The following FANCD2 variants were observed in gnomAD, a reference collection of about 807,000 sequenced individuals.
The protein encoded by FANCD2 is FA complementation group D2, also known as Fanconi anemia group D2 protein.
In FANCD2, 131 loss-of-function variants were observed where a neutral mutation model predicts 192.3. The observed-to-expected ratio is 0.68, with a 90% CI of 0.59 to 0.79. FANCD2 has a LOEUF of 0.79. Ranked by LOEUF, FANCD2 falls within the 30% of genes least tolerant of loss-of-function variation. The probability of loss-of-function intolerance (pLI) is 0.00; values close to 1 mark genes in which losing one functional copy is unlikely to be tolerated. For synonymous variants in FANCD2, 524 were observed against 612.5 expected (o/e 0.86, Z 2.13); for missense variants, 1,508 against 1,701.6 (o/e 0.89, Z 2.00).
chr3:10,065,970 G>C lies in FANCD2; in HGVS notation c.2376G>C (p.Trp792Cys), dbSNP rs752013429. Residue 792 changes from tryptophan (W) to cysteine (C), a missense_variant, in exon 25 of 44, where the codon TGG becomes TGC. Physicochemically the swap from Trp to Cys is radical, Grantham distance 215 (BLOSUM62 -2). Coordinates refer to ENST00000675286, the MANE Select transcript of FANCD2 (RefSeq NM_001018115.3). ...MCSLIFLTLN[W>C]FREIVNAFCQ... ...CTCTCATATTTCTTACTCTCAACTG[G>C]TTCCGAGAGGTGAGCAGAGTTAATA... 6 of 1,592,452 alleles carry C rather than the reference G, an allele frequency of 3.8e-6. No homozygotes were observed. The East Asian group carries it at 1.1e-4, about 30-fold the overall frequency.
In FANCD2 at chr3:10,085,848, G is replaced by A. The variant is rs762060936; in HGVS notation, c.3261G>A (p.Leu1087=). The A allele has an allele frequency of 2.5e-6, 4 of 1,613,676 alleles. No individual in the cohort carries two copies. The South Asian group carries it at 3.3e-5, about 13-fold the overall frequency. Residue 1087 remains leucine, a synonymous_variant, in exon 33 of 44, where the codon CTG becomes CTA. Transcript: ENST00000675286. ...CTCAACCTGAAAATCAGAATTTACT[G>A]TATTCAGCCCTCCATGTCCTTAGTA... The part of the protein sequence containing the change: ...GFSQPENQNL[L]YSALHVLSSR...
At position 10,087,281 on chromosome 3, in the gene FANCD2, CTTTTTTT is replaced by C; in HGVS notation, c.3466+30_3466+36del. ...AAAAAATTGGTGATGGGCCTAGATC[CTTTTTTT>C]TTTTTTTTTTTTAATGAATAGGACT... On this transcript the variant is annotated intron_variant, in intron 34 of 43. Coordinates refer to ENST00000675286, the MANE Select transcript of FANCD2 (RefSeq NM_001018115.3). 3.8e-6 allele frequency: 5 copies of C among 1,310,478 alleles called. No homozygotes were observed. The highest frequency in any genetic ancestry group is 2.8e-5 in the East Asian group (1 of 36,126). 81.2% of individuals were successfully genotyped at this position (1,310,478 alleles called of 1,614,324 possible).
rs145000305 is a variant in FANCD2, at chr3:10,063,162, C to T, written c.1828-630C>T. Among the ~76,000 whole-genome samples the T allele has an allele frequency of 2.4e-4, 37 of 151,794 alleles. 1 individual carries two copies. The highest frequency in any genetic ancestry group is 7.5e-4 in the African/African-American group (31 of 41,426). On this transcript the variant is annotated intron_variant, in intron 20 of 43. Transcript: ENST00000675286. The stretch of plus-strand genomic sequence containing the variant: ...ACATAAAGCTAGTTCAGGCAGGGCA[C>T]GGTGGTTTGCGATTGTAATCCTAGC...
rs1237111892 is a variant in FANCD2, at chr3:10,041,788, G to T, written c.783+78G>T. On this transcript the variant is annotated intron_variant, in intron 10 of 43. Coordinates refer to ENST00000675286, the MANE Select transcript of FANCD2 (RefSeq NM_001018115.3). ...ACAAGTGTCAGTCAGTCATTGCCTT[G>T]GGAGTAATGAATATTTCATTTTGAA... 1.1e-5 allele frequency: 10 copies of T among 943,380 alleles called. No individual in the cohort carries two copies. In the Admixed American group the frequency reaches 1.7e-4, roughly 16 times the overall value. 58.4% of individuals were successfully genotyped at this position (943,380 alleles called of 1,614,324 possible).
In FANCD2 at chr3:10,062,129, A is replaced by T. The variant is rs754860692; in HGVS notation, c.1767-22A>T. ...AAACTTAAAGTATAATAATAATTTA[A>T]AAAAAAATTCTTTGTTTTTAGAAGT... is the stretch of plus-strand genomic sequence containing the variant. On this transcript the variant is annotated intron_variant, in intron 19 of 43. Coordinates refer to ENST00000675286, the MANE Select transcript of FANCD2 (RefSeq NM_001018115.3). The T allele has an allele frequency of 2.3e-5, 35 of 1,549,424 alleles. No homozygotes were observed. The African/African-American group carries it at 3.7e-4, about 16-fold the overall frequency.
chr3:10,079,221 G>A (rs372903790), intron 30 of FANCD2, among the ~76,000 whole-genome samples: 10 of 152,044 alleles, frequency 6.6e-5, no homozygotes, highest in African/African-American at 2.2e-4. Context: ...TCCAGCCTGG[G>A]CATTAGAACA....
intron 23 of FANCD2, 116 bp downstream of exon 23, chr3:10,064,991 T>C (rs2087678149): frequency 8.8e-7 from 1 of 1,137,888 alleles, no homozygotes; most frequent in African/African-American, 1.5e-5. Flanking sequence ...AAATGGTATT[T>C]GGAGAGGTTA....
chr3:10,085,226 G>A (rs562117400), intron 32 of FANCD2, among the ~76,000 whole-genome samples: 8 of 152,108 alleles, frequency 5.3e-5, no homozygotes, highest in Non-Finnish European at 1.2e-4. Context: ...TGGCCCAGGC[G>A]TGGTGGCTCA....
At chr3:10,029,183 A>G (rs2086529507) in intron 2 of FANCD2, among the ~76,000 whole-genome samples, 1 of 152,184 alleles carries the variant, frequency 6.6e-6, no homozygotes, top group African/African-American at 2.4e-5. Context: ...AATAGTTGAC[A>G]AAGATCCCAA....
At position 10,062,201 on chromosome 3, in the gene FANCD2, A is replaced by G. The variant is rs2125029754; in HGVS notation, c.1817A>G (p.Gln606Arg). The G allele has an allele frequency of 6.2e-7, 1 of 1,612,466 alleles. No individual in the cohort carries two copies. Among genetic ancestry groups the G allele is most frequent in the South Asian group, 1.1e-5 (1 of 90,902 alleles). The change falls in exon 20 of 44, where the codon CAG becomes CGG. Residue 606 changes from glutamine to arginine, a missense_variant. By Grantham distance (43) the Gln-to-Arg change is conservative. Around this residue, in one of 5 missense-constraint regions of FANCD2, gnomAD observed 110 missense variants for 114.4 expected, o/e 0.96. Transcript: ENST00000675286. Reference sequence around the variant, plus strand: ...GAGAGAGCCAACCTGAGCGATGAGCAGTGCACACAGGTGAGTTCTTTTTTT... The same window carrying G: ...GAGAGAGCCAACCTGAGCGATGAGCGGTGCACACAGGTGAGTTCTTTTTTT... ...TQERANLSDE[Q>R]CTQVTSLLQL...
intron 9 of FANCD2, chr3:10,040,836 C>CT: frequency 1.9e-5 from 5 of 256,996 alleles, no homozygotes; most frequent in South Asian, 7.4e-5. Context: ...AGTACTACGC[C>CT]ATCCACTTTA....
At position 10,087,281 on chromosome 3, in the gene FANCD2, CTTTTTTTTT is replaced by C; in HGVS notation, c.3466+28_3466+36del. On this transcript the variant is annotated intron_variant, in intron 34 of 43. Coordinates refer to ENST00000675286, the MANE Select transcript of FANCD2 (RefSeq NM_001018115.3). ...AAAAAATTGGTGATGGGCCTAGATC[CTTTTTTTTT>C]TTTTTTTTTTAATGAATAGGACTAA... The C allele has an allele frequency of 7.6e-7, 1 of 1,310,516 alleles. No individual in the cohort carries two copies. Among genetic ancestry groups the C allele is most frequent in the Non-Finnish European group, 1.0e-6 (1 of 996,794 alleles). 81.2% of individuals were successfully genotyped at this position (1,310,516 alleles called of 1,614,324 possible).
At chr3:10,028,080 T>A (rs2086501070) in intron 1 of FANCD2, among the ~76,000 whole-genome samples, 1 of 151,736 alleles carries the variant, frequency 6.6e-6, no homozygotes, top group South Asian at 2.1e-4. Flanking sequence ...TTCAAGGAGA[T>A]TGTCCCTAAG....
intron 22 of FANCD2, 62 bp downstream of exon 22, chr3:10,064,491 G>A (rs886179075): frequency 1.4e-5 from 21 of 1,468,690 alleles, no homozygotes; most frequent in Non-Finnish European, 1.7e-5. Context: ...TCTGTCAGTA[G>A]CTGATACAAA....
Position 10,032,772 on chromosome 3 carries a change from T to C in FANCD2, c.65-60T>C, listed in dbSNP as rs1270848743. The C allele has an allele frequency of 2.1e-6, 3 of 1,431,058 alleles. No homozygotes were observed. In the Admixed American group the frequency reaches 5.2e-5, roughly 25 times the overall value. The allele number at this position is 1,431,058 out of a possible 1,614,324, so 88.6% of individuals were successfully genotyped here. ...TCCTCTCATGATTATTATTCCTGGG[T>C]TTAAGTTTTAATTTTTCCTTTACTA... On this transcript the variant is annotated intron_variant, in intron 2 of 43. Coordinates refer to ENST00000675286, the MANE Select transcript of FANCD2 (RefSeq NM_001018115.3).
chr3:10,097,039 C>T (rs1478706507), intron 42 of FANCD2, among the ~76,000 whole-genome samples: 2 of 152,002 alleles, frequency 1.3e-5, no homozygotes, highest in African/African-American at 4.8e-5. Flanking sequence ...TCCGTGATGC[C>T]CCACAAGCCA....
intron 32 of FANCD2, among the ~76,000 whole-genome samples, chr3:10,084,463 C>CA (rs1694057210): frequency 6.7e-6 from 1 of 149,032 alleles, no homozygotes; most frequent in African/African-American, 2.5e-5. Context: ...CTGATTTTTC[C>CA]TTTTTTTTTT....
intron 26 of FANCD2, among the ~76,000 whole-genome samples, chr3:10,072,438 C>T (rs1693306274): frequency 6.6e-6 from 1 of 152,104 alleles, no homozygotes; most frequent in Non-Finnish European, 1.5e-5. Flanking sequence ...GCCAGCACAC[C>T]TGGCTCATTT....
intron 14 of FANCD2, among the ~76,000 whole-genome samples, chr3:10,046,135 G>A (rs184661203): frequency 6.7e-6 from 1 of 149,046 alleles, no homozygotes; most frequent in Non-Finnish European, 1.5e-5. Context: ...CTCACTGTAA[G>A]CTCTGCCTCC....
Sources: gnomAD v4.1 joint callset for allele counts (sites outside exome capture counted in the v4.1 genomes callset) on GRCh38, gnomAD v4.1.1 for gene constraint, gnomAD v4.1.1 regional missense constraint, MANE v1.5 for transcripts, NCBI Gene and HGNC (gene_info 2026-07-23, HGNC 2026-07-21) for gene names.